PDGFD: variants seen among roughly 807,000 people sequenced by gnomAD.
PDGFD encodes the protein platelet derived growth factor D.
PDGFD carries 30 observed loss-of-function variants against 44.7 expected under a neutral mutation model. That is an observed-to-expected ratio of 0.67 (90% CI 0.50 to 0.91). The LOEUF (loss-of-function observed/expected upper bound fraction) is 0.91, where lower values mean the gene tolerates loss of function less well. PDGFD is among the 40% of genes least tolerant of loss of function. The pLI is 0.00. For synonymous variants in PDGFD, 173 were observed against 168.4 expected, an observed-to-expected ratio of 1.03 and a Z score of -0.21; for missense variants, 445 against 457.8, an observed-to-expected ratio of 0.97 and a Z score of 0.25.
intron 1 of PDGFD, among the ~76,000 whole-genome samples, chr11:104,121,741 TA>T: frequency 6.6e-6 from 1 of 152,178 alleles, no homozygotes; most frequent in South Asian, 2.1e-4. Flanking sequence ...TTGCAAATTA[TA>T]CCTGGAGTAG....
chr11:103,978,180 T>G (rs1859212226), intron 3 of PDGFD, among the ~76,000 whole-genome samples: 1 of 152,102 alleles, frequency 6.6e-6, no homozygotes, highest in Non-Finnish European at 1.5e-5. Context: ...ATTGAAGGGA[T>G]TTTCTCTTAA....
chr11:104,061,998 G>A (rs552402105), intron 1 of PDGFD, among the ~76,000 whole-genome samples: 1 of 152,200 alleles, frequency 6.6e-6, no homozygotes, highest in Non-Finnish European at 1.5e-5. Context: ...CTTTTGGCTT[G>A]TCTATGCCTC....
rs184552652 is a variant in PDGFD, at chr11:103,962,339, A to G, written c.511-14615T>C. On this transcript the variant is annotated intron_variant, in intron 3 of 6. Coordinates refer to ENST00000393158, the MANE Select transcript of PDGFD (RefSeq NM_025208.5). ...AATGTTTTCCTGATCAGAGGATTCA[A>G]TAGATGAGAATCCCTTAAGTACTTT... Among the ~76,000 whole-genome samples, 49 of 152,272 alleles carry G rather than the reference A, an allele frequency of 3.2e-4. 1 individual carries two copies. Among genetic ancestry groups the G allele is most frequent in the African/African-American group, 1.1e-3 (47 of 41,562 alleles).
intron 6 of PDGFD, among the ~76,000 whole-genome samples, chr11:103,922,364 C>G (rs1366039420): frequency 6.6e-6 from 1 of 152,084 alleles, no homozygotes; most frequent in African/African-American, 2.4e-5. Context: ...ACACTGTACT[C>G]CCAAATGTTT....
intron 1 of PDGFD, among the ~76,000 whole-genome samples, chr11:104,142,763 G>A (rs944915567): frequency 2.6e-5 from 4 of 152,146 alleles, no homozygotes; most frequent in African/African-American, 7.2e-5. Flanking sequence ...AAATCTTCTC[G>A]AAAATGCAGA....
At chr11:103,949,008 T>A (rs1858704716) in intron 3 of PDGFD, among the ~76,000 whole-genome samples, 1 of 141,206 alleles carries the variant, frequency 7.1e-6, no homozygotes, top group Non-Finnish European at 1.5e-5. Flanking sequence ...TTTTTTTTTT[T>A]TTTTTTTTTT....
intron 1 of PDGFD, among the ~76,000 whole-genome samples, chr11:104,002,054 T>A (rs142154897): frequency 8.3e-4 from 127 of 152,262 alleles, no homozygotes; most frequent in Non-Finnish European, 1.2e-3. Flanking sequence ...ACTCCCTGCC[T>A]CCAGATGAAG....
At chr11:104,050,983 G>C (rs1437452648) in intron 1 of PDGFD, among the ~76,000 whole-genome samples, 1 of 152,180 alleles carries the variant, frequency 6.6e-6, no homozygotes, top group Non-Finnish European at 1.5e-5. Flanking sequence ...CAGGCAAAAT[G>C]AACAGAAGTT....
intron 1 of PDGFD, among the ~76,000 whole-genome samples, chr11:104,131,129 A>C (rs1419930230): frequency 6.6e-6 from 1 of 152,186 alleles, no homozygotes; most frequent in Non-Finnish European, 1.5e-5. Flanking sequence ...CCTTCAAAAC[A>C]ATATTAGTTT....
chr11:103,950,769 A>G (rs1405665991), intron 3 of PDGFD, among the ~76,000 whole-genome samples: 1 of 152,058 alleles, frequency 6.6e-6, no homozygotes, highest in Non-Finnish European at 1.5e-5. Flanking sequence ...ACGATGAAAC[A>G]GTTTCCAAAA....
intron 1 of PDGFD, among the ~76,000 whole-genome samples, chr11:104,022,860 T>G (rs549806570): frequency 9.9e-4 from 150 of 152,210 alleles, no homozygotes; most frequent in African/African-American, 3.6e-3. Flanking sequence ...AGGCTATTTT[T>G]GCTGGTAAAG....
chr11:103,922,142 A>C (rs751106174), intron 6 of PDGFD, among the ~76,000 whole-genome samples: 3 of 152,162 alleles, frequency 2.0e-5, no homozygotes, highest in Non-Finnish European at 4.4e-5. Context: ...GGATACAGCC[A>C]GGGCACCAAA....
intron 1 of PDGFD, among the ~76,000 whole-genome samples, chr11:104,160,837 A>G (rs1862377626): frequency 6.6e-6 from 1 of 152,204 alleles, no homozygotes; most frequent in African/African-American, 2.4e-5. Context: ...GCCAGGACAC[A>G]GCAGCAGATC....
At chr11:104,090,119 G>T (rs1220926825) in intron 1 of PDGFD, among the ~76,000 whole-genome samples, 12 of 152,030 alleles carry the variant, frequency 7.9e-5, no homozygotes, top group Non-Finnish European at 1.0e-4. Context: ...AGATAGAAAA[G>T]AAATATTAAT....
chr11:103,932,185 G>GTT (rs1034451404), intron 5 of PDGFD, among the ~76,000 whole-genome samples: 1 of 148,880 alleles, frequency 6.7e-6, no homozygotes, highest in South Asian at 2.1e-4. Flanking sequence ...TTCAACATGA[G>GTT]TTTTTTTTTT....
At chr11:103,969,485 T>TTTG (rs1859071837) in intron 3 of PDGFD, among the ~76,000 whole-genome samples, 1 of 148,254 alleles carries the variant, frequency 6.7e-6, no homozygotes, top group Admixed American at 6.7e-5. Context: ...TTTTTTTTTT[T>TTTG]TTTTTTTTTT....
At chr11:104,072,430 C>G (rs1860894025) in intron 1 of PDGFD, among the ~76,000 whole-genome samples, 1 of 151,698 alleles carries the variant, frequency 6.6e-6, no homozygotes, top group Non-Finnish European at 1.5e-5. Context: ...TAATTCTATA[C>G]TCCATTTTTT....
chr11:104,092,777 T>C (rs1301537743), intron 1 of PDGFD, among the ~76,000 whole-genome samples: 1 of 152,152 alleles, frequency 6.6e-6, no homozygotes, highest in Non-Finnish European at 1.5e-5. Context: ...TGGACTTACA[T>C]AAACAGAAGA....
intron 5 of PDGFD, among the ~76,000 whole-genome samples, chr11:103,939,565 T>G (rs76174253): frequency 0.026 from 3,890 of 152,260 alleles, 174 homozygotes; most frequent in African/African-American, 0.089. Context: ...CCTGCCTGAT[T>G]GCCCTGGAGG....
Sources: allele counts gnomAD v4.1 joint callset (sites outside exome capture counted in the v4.1 genomes callset), GRCh38; gene constraint gnomAD v4.1.1; transcripts MANE v1.5; gene names NCBI Gene and HGNC (gene_info 2026-07-23, HGNC 2026-07-21).